The following ESRRG variants were observed in gnomAD, a reference collection of about 807,000 sequenced individuals.
ESRRG encodes the protein estrogen-related receptor gamma.
Under a neutral mutation model 44.0 loss-of-function variants are expected in ESRRG, and 13 were observed. The ratio of observed to expected loss-of-function variants is 0.30; its 90% CI spans 0.19 to 0.47. ESRRG has a LOEUF of 0.47. ESRRG is among the 20% of genes least tolerant of loss of function. The pLI, the probability that ESRRG is intolerant of heterozygous loss-of-function variation, is 1.00. For synonymous variants in ESRRG, 215 were observed against 214.6 expected (o/e 1.00, Z -0.02); for missense variants, 395 against 580.6 (o/e 0.68, Z 3.29).
chr1:216,584,508 G>A (rs12136640), intron 3 of ESRRG, among the ~76,000 whole-genome samples: 30,049 of 151,700 alleles, frequency 0.2, 3,714 homozygotes, highest in Non-Finnish European at 0.28. Context: ...CACCCACCTC[G>A]GCCTCCCAAA....
intron 2 of ESRRG, among the ~76,000 whole-genome samples, chr1:216,845,991 C>T (rs1165538191): frequency 6.6e-6 from 1 of 152,150 alleles, no homozygotes; most frequent in Non-Finnish European, 1.5e-5. Flanking sequence ...TCTTGTCTTT[C>T]TTTCCTTTGT....
chr1:216,623,077 C>CTTTTTTTTTTTTTT (rs370657704), intron 3 of ESRRG, among the ~76,000 whole-genome samples: 1 of 88,658 alleles, frequency 1.1e-5, no homozygotes, highest in African/African-American at 4.5e-5. Flanking sequence ...AATCATTAAA[C>CTTTTTTTTTTTTTT]TTTTTTTTTT....
intron 2 of ESRRG, among the ~76,000 whole-genome samples, chr1:216,751,169 C>G (rs887240591): frequency 6.6e-6 from 1 of 152,138 alleles, no homozygotes; most frequent in African/African-American, 2.4e-5. Context: ...AGTCTCCTTA[C>G]ACGCTTAAGA....
At chr1:216,597,781 G>C (rs1164308028) in intron 3 of ESRRG, among the ~76,000 whole-genome samples, 1 of 148,474 alleles carries the variant, frequency 6.7e-6, no homozygotes, top group Non-Finnish European at 1.5e-5. Flanking sequence ...CAATGAAATG[G>C]AGATTTCAGC....
rs1434334547 is a variant in ESRRG at position 216,723,331 on chromosome 1, A to T, written c.-32T>A. 1 of 1,610,384 alleles carries T rather than the reference A, an allele frequency of 6.2e-7. No homozygotes were observed. The highest frequency in any genetic ancestry group is 1.3e-5 in the African/African-American group (1 of 74,952). On this transcript the variant is annotated 5_prime_UTR_variant, in exon 1 of 7. Coordinates refer to ENST00000408911, the MANE Select transcript of ESRRG (RefSeq NM_001438.4). Reference sequence around the variant, plus strand: ...CCGGCAACCATTATTTGTGCACCCCAGCTATAAATCAAAGTTTCCTTGACA... The same window carrying T: ...CCGGCAACCATTATTTGTGCACCCCTGCTATAAATCAAAGTTTCCTTGACA...
chr1:217,083,929 G>A (rs550397608), intron 1 of ESRRG, among the ~76,000 whole-genome samples: 1 of 152,222 alleles, frequency 6.6e-6, no homozygotes, highest in East Asian at 1.9e-4. Flanking sequence ...AACATACAGG[G>A]CATGAAATGA....
chr1:216,926,386 A>T (rs1440560441), intron 2 of ESRRG, among the ~76,000 whole-genome samples: 1 of 150,274 alleles, frequency 6.7e-6, no homozygotes, highest in Non-Finnish European at 1.5e-5. Context: ...ACCACTTTCC[A>T]TCCCAGGAAA....
At chr1:216,546,851 A>G (rs1376242776) in intron 5 of ESRRG, among the ~76,000 whole-genome samples, 2 of 151,896 alleles carry the variant, frequency 1.3e-5, no homozygotes, top group Admixed American at 6.6e-5. Flanking sequence ...ACATGTGCAG[A>G]ACGTGCAGAT....
rs192669741 is a variant in ESRRG at position 216,551,908 on chromosome 1, C to T, written c.862+12311G>A. Reference sequence around the variant, plus strand: ...GCAGTTGTTCCATCAACCAAACTCTCGGCCACTTGGGCTGTTGGCCATGTT... The same window carrying T: ...GCAGTTGTTCCATCAACCAAACTCTTGGCCACTTGGGCTGTTGGCCATGTT... On this transcript the variant is annotated intron_variant, in intron 5 of 6. Coordinates refer to ENST00000408911, the MANE Select transcript of ESRRG (RefSeq NM_001438.4). Among the ~76,000 whole-genome samples, 149 of 152,256 alleles carry T rather than the reference C, an allele frequency of 9.8e-4. 1 individual carries two copies. Among genetic ancestry groups the T allele is most frequent in the Admixed American group, 2.4e-3 (36 of 15,284 alleles).
chr1:216,956,889 C>A (rs923847591), intron 1 of ESRRG, among the ~76,000 whole-genome samples: 1 of 152,024 alleles, frequency 6.6e-6, no homozygotes, highest in Non-Finnish European at 1.5e-5. Context: ...AAAAGGTTAA[C>A]CAAATAGGAA....
intron 1 of ESRRG, among the ~76,000 whole-genome samples, chr1:217,112,336 T>C (rs981735715): frequency 1.6e-4 from 25 of 152,314 alleles, no homozygotes; most frequent in African/African-American, 6.0e-4. Context: ...TAGCAAGCAC[T>C]AGATCTTAGG....
intron 3 of ESRRG, among the ~76,000 whole-genome samples, chr1:216,629,681 T>C (rs2150658317): frequency 6.6e-6 from 1 of 152,276 alleles, no homozygotes; most frequent in South Asian, 2.1e-4. Flanking sequence ...AGGAAGTAAC[T>C]TGCGCACTGA....
intron 2 of ESRRG, among the ~76,000 whole-genome samples, chr1:216,660,778 G>C (rs767457711): frequency 6.6e-6 from 1 of 152,172 alleles, no homozygotes; most frequent in South Asian, 2.1e-4. Context: ...ATAGGATAGG[G>C]TTGCTTTTAG....
chr1:216,820,423 T>G (rs1270689513), intron 2 of ESRRG, among the ~76,000 whole-genome samples: 1 of 152,230 alleles, frequency 6.6e-6, no homozygotes, highest in Non-Finnish European at 1.5e-5. Flanking sequence ...TCAAACATAA[T>G]GTCTTTGACA....
chr1:216,701,120 C>A (rs2081309418), intron 1 of ESRRG, among the ~76,000 whole-genome samples: 1 of 89,090 alleles, frequency 1.1e-5, no homozygotes, highest in East Asian at 3.6e-4. Flanking sequence ...TTATTAAGAG[C>A]AAGTTTGCGG....
At chr1:217,070,844 G>A (rs2151444711) in intron 1 of ESRRG, among the ~76,000 whole-genome samples, 1 of 152,242 alleles carries the variant, frequency 6.6e-6, no homozygotes, top group African/African-American at 2.4e-5. Context: ...TTGATTCGAA[G>A]GTAAAATACC....
intron 1 of ESRRG, among the ~76,000 whole-genome samples, chr1:217,114,520 C>T (rs983745276): frequency 1.1e-4 from 16 of 152,064 alleles, no homozygotes; most frequent in African/African-American, 3.9e-4. Context: ...CTTCTTCATT[C>T]CAATTGTACA....
At chr1:216,913,111 C>CAAAA (rs36067159) in intron 2 of ESRRG, among the ~76,000 whole-genome samples, 7 of 62,764 alleles carry the variant, frequency 1.1e-4, no homozygotes, top group East Asian at 3.7e-4. Flanking sequence ...GACTCTGTCT[C>CAAAA]AAAAAAAAAA....
At chr1:216,674,615 CT>C (rs5780904) in intron 2 of ESRRG, among the ~76,000 whole-genome samples, 10,155 of 127,798 alleles carry the variant, frequency 0.079, 857 homozygotes, top group African/African-American at 0.26. Context: ...TTTGGGTAAA[CT>C]TTTTTTTTTT....
Sources: gnomAD v4.1 joint callset for allele counts (sites outside exome capture counted in the v4.1 genomes callset) on GRCh38, gnomAD v4.1.1 for gene constraint, MANE v1.5 for transcripts, NCBI Gene and HGNC (gene_info 2026-07-23, HGNC 2026-07-21) for gene names.